The following IL10RA variants were observed in gnomAD, a reference collection of about 807,000 sequenced individuals.
IL10RA encodes interleukin-10 receptor subunit alpha.
IL10RA carries 18 observed loss-of-function variants against 29.6 expected under a neutral mutation model. The observed-to-expected ratio is 0.61, with a 90% CI of 0.42 to 0.90. The LOEUF is 0.90. IL10RA is among the 40% of genes least tolerant of loss of function. The probability of loss-of-function intolerance (pLI) is 0.00; values close to 1 mark genes in which losing one functional copy is unlikely to be tolerated. For synonymous variants in IL10RA, 292 were observed against 294.1 expected, an observed-to-expected ratio of 0.99 and a Z score of 0.07; for missense variants, 634 against 716.6, an observed-to-expected ratio of 0.88 and a Z score of 1.32.
chr11:117,993,182 C>A (rs1286245670), intron 3 of IL10RA, 59 bp from the exon 4 acceptor site: 15 of 1,514,452 alleles, frequency 9.9e-6, no homozygotes, highest in Non-Finnish European at 1.4e-5. Context: ...GCGGGGACAC[C>A]CAGGCCCTCC....
intron 1 of IL10RA, chr11:117,986,851 A>G (rs1565370070): frequency 1.4e-6 from 2 of 1,445,580 alleles, no homozygotes; most frequent in Non-Finnish European, 1.8e-6. Flanking sequence ...TTTAGGTTCA[A>G]ATGATGGGAC....
At chr11:118,002,459 T>G (rs745928590), downstream of IL10RA, 1 of 152,222 alleles carries the variant, frequency 6.6e-6, no homozygotes, top group Non-Finnish European at 1.5e-5. Flanking sequence ...TTGTCAATAT[T>G]GGAAAGAAAA....
In IL10RA at chr11:117,996,452, T is replaced by C. The variant is rs558064736; in HGVS notation, c.810+742T>C. On this transcript the variant is annotated intron_variant, in intron 6 of 6. Transcript: ENST00000227752. ...CAGCATTTTCCAAACCTCGGCCTGG[T>C]CTCTGGCCTGGAGTTCAGGCCGCAT... 3.4e-4 allele frequency among the ~76,000 whole-genome samples: 52 copies of C among 152,316 alleles called. No homozygotes were observed. In the Middle Eastern group the frequency reaches 0.01, roughly 30 times the overall value.
In IL10RA at chr11:117,993,332, A is replaced by G. The variant is rs2256111; in HGVS notation, c.459A>G (p.Ala153=). The part of the protein sequence containing the change: ...IQLPRPKMAP[A]NDTYESIFSH... Reference sequence around the variant, plus strand: ...TACCCAGGCCCAAGATGGCCCCCGCAAATGACACATATGAAAGCATCTTCA... The same window carrying G: ...TACCCAGGCCCAAGATGGCCCCCGCGAATGACACATATGAAAGCATCTTCA... The change falls in exon 4 of 7, where the codon GCA becomes GCG. Residue 153 remains alanine, a synonymous_variant. Coordinates refer to ENST00000227752, the MANE Select transcript of IL10RA (RefSeq NM_001558.4). 834,230 of 1,613,002 alleles carry G rather than the reference A, an allele frequency of 0.52. 217,351 individuals carry two copies. The highest frequency in any genetic ancestry group is 0.61 in the Admixed American group (36,406 of 60,014).
In IL10RA at chr11:117,989,364, T is replaced by G; in HGVS notation, c.189-78T>G. 7.6e-7 allele frequency: 1 copy of G among 1,316,582 alleles called. No homozygotes were observed. Among genetic ancestry groups the G allele is most frequent in the Non-Finnish European group, 1.1e-6 (1 of 909,230 alleles). 81.6% of individuals were successfully genotyped at this position (1,316,582 alleles called of 1,614,324 possible). ...TCTCCCAATGTGGGAGCTCTCTTCC[T>G]GGCCTCTTGCGTCTCCCTTAAAGGA... On this transcript the variant is annotated intron_variant, in intron 2 of 6. Transcript: ENST00000227752. This position sits in a 1 kb window ranked among gnomAD's most constrained non-coding sequence, Gnocchi z 4.5.
intron 6 of IL10RA, among the ~76,000 whole-genome samples, chr11:117,996,149 T>G (rs2058054792): frequency 2.0e-5 from 3 of 152,170 alleles, no homozygotes; most frequent in Non-Finnish European, 4.4e-5. Context: ...ACTTTCCTAC[T>G]GCTATTAGCC....
At chr11:117,991,144 G>A (rs887769662) in intron 3 of IL10RA, among the ~76,000 whole-genome samples, 2 of 152,132 alleles carry the variant, frequency 1.3e-5, no homozygotes, top group Admixed American at 6.5e-5. Context: ...GTTGCAGTGA[G>A]CCAAGATCAA....
chr11:117,998,147 G>A (rs2058067953), intron 6 of IL10RA, among the ~76,000 whole-genome samples: 2 of 152,122 alleles, frequency 1.3e-5, no homozygotes, highest in Non-Finnish European at 2.9e-5. Flanking sequence ...CACTACTCGG[G>A]GAATAGAAAA....
rs2058085222 is a variant in IL10RA, at chr11:118,000,033, C to G, written c.*392C>G. On this transcript the variant is annotated 3_prime_UTR_variant, in exon 7 of 7. Coordinates refer to ENST00000227752, the MANE Select transcript of IL10RA (RefSeq NM_001558.4). ...AGGCTGAAGTCAGCTCAGACCCAGA[C>G]CTCCCTGCTTAGGCCACTCGAGCAT... is the stretch of plus-strand genomic sequence containing the variant. 2.1e-6 allele frequency: 1 copy of G among 465,926 alleles called. No individual in the cohort carries two copies. The highest frequency in any genetic ancestry group is 6.7e-5 in the East Asian group (1 of 15,036). 28.9% of individuals were successfully genotyped at this position (465,926 alleles called of 1,614,324 possible).
chr11:117,993,249 A>G lies in IL10RA; in HGVS notation c.376A>G (p.Thr126Ala). 6.2e-7 allele frequency: 1 copy of G among 1,613,756 alleles called. No individual in the cohort carries two copies. The highest frequency in any genetic ancestry group is 8.5e-7 in the Non-Finnish European group (1 of 1,179,844). ...ACCCCAACTCCATTTAGTGACTCTG[A>G]CAGTTGGCAGTGTGAACCTAGAGAT... is the stretch of plus-strand genomic sequence containing the variant. ...TRFSVDEVTL[T>A]VGSVNLEIHN... Residue 126 changes from threonine to alanine, a missense_variant, in exon 4 of 7, where the codon ACA becomes GCA. Physicochemically the swap from Thr to Ala is moderately conservative, Grantham distance 58. Coordinates refer to ENST00000227752, the MANE Select transcript of IL10RA (RefSeq NM_001558.4).
At chr11:117,988,834 C>G (rs928795307) in intron 2 of IL10RA, among the ~76,000 whole-genome samples, 1 of 152,228 alleles carries the variant, frequency 6.6e-6, no homozygotes, top group Non-Finnish European at 1.5e-5. Flanking sequence ...AATCTCAGCT[C>G]ACTGCAGCCT....
intron 1 of IL10RA, 142 bp downstream of exon 1, chr11:117,986,676 G>C: frequency 6.5e-7 from 1 of 1,535,954 alleles, no homozygotes; most frequent in Non-Finnish European, 8.7e-7. Flanking sequence ...GGCAAACCTG[G>C]ATCTCAGGCT....
Position 117,988,480 on chromosome 11 carries a change from T to G in IL10RA, c.166T>G (p.Cys56Gly), listed in dbSNP as rs1317232830. ...CATCCCAAATCAGTCTGAAAGTACC[T>G]GCTATGAAGTGGCGCTCCTGAGGTG... ...TPIPNQSEST[C>G]YEVALLRYGI... Residue 56 changes from cysteine to glycine, a missense_variant, in exon 2 of 7, where the codon TGC becomes GGC. Coordinates refer to ENST00000227752, the MANE Select transcript of IL10RA (RefSeq NM_001558.4). 6.2e-7 allele frequency: 1 copy of G among 1,613,928 alleles called. No homozygotes were observed. Among genetic ancestry groups the G allele is most frequent in the Non-Finnish European group, 8.5e-7 (1 of 1,179,984 alleles).
Position 117,999,664 on chromosome 11 carries a change from G to T in IL10RA, c.*23G>T. The stretch of plus-strand genomic sequence containing the variant: ...TGACTCGGGCTGAGAGGCTGCTTTT[G>T]ATTTTAGCCATGCCTGCTCCTCTGC... On this transcript the variant is annotated 3_prime_UTR_variant, in exon 7 of 7. Coordinates refer to ENST00000227752, the MANE Select transcript of IL10RA (RefSeq NM_001558.4). The T allele has an allele frequency of 6.2e-7, 1 of 1,601,480 alleles. No individual in the cohort carries two copies. The highest frequency in any genetic ancestry group is 1.1e-5 in the South Asian group (1 of 90,846).
Position 117,998,960 on chromosome 11 carries a change from GC to G in IL10RA, c.1061del (p.Pro354LeufsTer26). ...CTGACAGAACGCTGGGAAACAGGGA[GC>G]CCCCTGTGCTGGGGGACAGCTGCAG... Reference protein sequence around the residue: ...QADRTLGNREPPVLGDSCSSG... With the variant: ...QADRTLGNREXPVLGDSCSSG... On this transcript the variant is annotated frameshift_variant, in exon 7 of 7. Coordinates refer to ENST00000227752, the MANE Select transcript of IL10RA (RefSeq NM_001558.4). LOFTEE classifies it low-confidence loss of function (END_TRUNC). 2 of 1,613,310 alleles carry G rather than the reference GC, an allele frequency of 1.2e-6. No individual in the cohort carries two copies. The highest frequency in any genetic ancestry group is 8.5e-7 in the Non-Finnish European group (1 of 1,179,444).
chr11:118,002,859 A>C (rs952030673), downstream of IL10RA: 1 of 152,176 alleles, frequency 6.6e-6, no homozygotes, highest in African/African-American at 2.4e-5. Context: ...CCCCCAACAG[A>C]AGGCCCCAGC....
At chr11:117,991,891 T>C (rs1011279552) in intron 3 of IL10RA, among the ~76,000 whole-genome samples, 20 of 152,068 alleles carry the variant, frequency 1.3e-4, no homozygotes, top group African/African-American at 9.7e-5. Context: ...CGTGCCACCA[T>C]GCCCGGCTAA....
At position 117,994,135 on chromosome 11, in the gene IL10RA, C is replaced by T. The variant is rs759724575; in HGVS notation, c.674C>T (p.Ser225Phe). ...KGMWSKEECI[S>F]LTRQYFTVTN... ...ATGTGGTCTAAAGAGGAGTGCATCT[C>T]CCTCACCAGGCAGTGTGAGTCAGCT... The change falls in exon 5 of 7, where the codon TCC becomes TTC. Residue 225 changes from serine (S) to phenylalanine (F), a missense_variant. Coordinates refer to ENST00000227752, the MANE Select transcript of IL10RA (RefSeq NM_001558.4). The T allele has an allele frequency of 6.2e-7, 1 of 1,614,072 alleles. No homozygotes were observed. The highest frequency in any genetic ancestry group is 8.5e-7 in the Non-Finnish European group (1 of 1,179,964).
chr11:117,991,602 A>G (rs1453197517), intron 3 of IL10RA, among the ~76,000 whole-genome samples: 3 of 152,146 alleles, frequency 2.0e-5, no homozygotes, highest in Non-Finnish European at 2.9e-5. Flanking sequence ...CTCTACTTCT[A>G]TGAATTGAAT....
Sources: allele counts gnomAD v4.1 joint callset (sites outside exome capture counted in the v4.1 genomes callset), GRCh38; gene constraint gnomAD v4.1.1; non-coding constraint Gnocchi (gnomAD v3.1); transcripts MANE v1.5; gene names NCBI Gene and HGNC (gene_info 2026-07-23, HGNC 2026-07-21).